Variants in BLTP3A observed in about 807,000 individuals in gnomAD.
The protein encoded by BLTP3A is ICBP90 binding protein 1.
the BLTP3A span, among the ~76,000 whole-genome samples, chr6:34,830,836 T>C: frequency 2.0e-5 from 3 of 152,212 alleles, no homozygotes; most frequent in African/African-American, 7.2e-5. Context: ...ATAAAAGTTC[T>C]AGTTGTTCCA....
At chr6:34,792,658 A>G in the BLTP3A span, among the ~76,000 whole-genome samples, 3 of 151,712 alleles carry the variant, frequency 2.0e-5, no homozygotes, top group African/African-American at 7.3e-5. Flanking sequence ...CGTCTTTCCG[A>G]GGCCCCCACG....
At chr6:34,816,295 T>G in the BLTP3A span, among the ~76,000 whole-genome samples, 1 of 152,182 alleles carries the variant, frequency 6.6e-6, no homozygotes, top group Non-Finnish European at 1.5e-5. Context: ...TTTGAAAACG[T>G]CTATCTCACT....
At chr6:34,832,229 T>G in the BLTP3A span, among the ~76,000 whole-genome samples, 2 of 151,220 alleles carry the variant, frequency 1.3e-5, no homozygotes, top group East Asian at 3.9e-4. Context: ...CAGGTGATCC[T>G]CCCGCCTCAG....
chr6:34,855,053 G>T, the BLTP3A span, among the ~76,000 whole-genome samples: 1 of 152,150 alleles, frequency 6.6e-6, no homozygotes, highest in South Asian at 2.1e-4. Context: ...AAAAATTTCA[G>T]TTTACCTATA....
At chr6:34,863,322 TTTTAAC>T in the BLTP3A span, among the ~76,000 whole-genome samples, 1 of 152,206 alleles carries the variant, frequency 6.6e-6, no homozygotes, top group Non-Finnish European at 1.5e-5. Context: ...GTTAATGCCT[TTTTAAC>T]TTTATCTTCC....
chr6:34,857,304 C>A, the BLTP3A span: 3 of 1,613,238 alleles, frequency 1.9e-6, no homozygotes, highest in Non-Finnish European at 2.5e-6. Flanking sequence ...ATTGTTGATA[C>A]TAACAAAAAG....
chr6:34,845,370 C>T, the BLTP3A span, among the ~76,000 whole-genome samples: 1 of 152,104 alleles, frequency 6.6e-6, no homozygotes, highest in African/African-American at 2.4e-5. Flanking sequence ...TTTTGTGGTT[C>T]CATGTACATT....
At chr6:34,876,730 C>CTTTAA in the BLTP3A span, 1 of 152,176 alleles carries the variant, frequency 6.6e-6, no homozygotes, top group African/African-American at 2.4e-5. Flanking sequence ...ACACTAAGGC[C>CTTTAA]TTTACCTAGT....
At chr6:34,843,933 A>G in the BLTP3A span, among the ~76,000 whole-genome samples, 4 of 152,050 alleles carry the variant, frequency 2.6e-5, no homozygotes, top group African/African-American at 9.7e-5. Context: ...GATAAAAGCC[A>G]TTTTTACTGG....
At chr6:34,831,242 C>A in the BLTP3A span, among the ~76,000 whole-genome samples, 1 of 152,012 alleles carries the variant, frequency 6.6e-6, no homozygotes, top group Non-Finnish European at 1.5e-5. Flanking sequence ...ATTCTTCTGC[C>A]TCAGCCTCCT....
the BLTP3A span, among the ~76,000 whole-genome samples, chr6:34,811,064 G>A: frequency 2.6e-5 from 4 of 152,008 alleles, no homozygotes; most frequent in South Asian, 2.1e-4. Context: ...CACTTTTATC[G>A]AATTTATCAA....
the BLTP3A span, among the ~76,000 whole-genome samples, chr6:34,828,251 G>A: frequency 6.6e-6 from 1 of 151,922 alleles, no homozygotes; most frequent in South Asian, 2.1e-4. Context: ...AGGAGTTCAA[G>A]ACCAGTCTGA....
chr6:34,859,368 A>G, the BLTP3A span: 1 of 1,614,144 alleles, frequency 6.2e-7, no homozygotes, highest in Non-Finnish European at 8.5e-7. Context: ...CTGTGAATGG[A>G]CAGGGTGAGC....
the BLTP3A span, among the ~76,000 whole-genome samples, chr6:34,828,622 C>T: frequency 6.6e-6 from 1 of 151,964 alleles, no homozygotes; most frequent in Non-Finnish European, 1.5e-5. Flanking sequence ...TGGATTATTT[C>T]CAGATTTTTT....
the BLTP3A span, chr6:34,859,486 G>C: frequency 1.2e-6 from 2 of 1,614,212 alleles, no homozygotes; most frequent in Non-Finnish European, 8.5e-7. Flanking sequence ...CAAGGAAGCT[G>C]TGTCCCTGAC....
the BLTP3A span, chr6:34,792,126 T>TGGCGGCGGC: frequency 0.067 from 47,331 of 709,286 alleles, 2,427 homozygotes; most frequent in East Asian, 0.26. Context: ...GAAAGCGCCA[T>TGGCGGCGGC]GGCGGCGGCG....
At chr6:34,835,564 T>C in the BLTP3A span, 1 of 1,362,468 alleles carries the variant, frequency 7.3e-7, no homozygotes, top group Non-Finnish European at 9.9e-7. Flanking sequence ...TTTGGGAAAT[T>C]TGTCATTTAC....
At chr6:34,867,473 T>C in the BLTP3A span, 1 of 1,614,120 alleles carries the variant, frequency 6.2e-7, no homozygotes, top group Non-Finnish European at 8.5e-7. Flanking sequence ...TAGGTCTCAG[T>C]TCTGGTCCTG....
At chr6:34,852,051 G>A in the BLTP3A span, among the ~76,000 whole-genome samples, 2 of 151,676 alleles carry the variant, frequency 1.3e-5, no homozygotes, top group South Asian at 4.2e-4. Flanking sequence ...GGCAGGTCCA[G>A]AGATGTCGTC....
Sources: allele counts gnomAD v4.1 joint callset (sites outside exome capture counted in the v4.1 genomes callset), GRCh38; gene constraint gnomAD v4.1.1; transcripts MANE v1.5; gene names NCBI Gene and HGNC (gene_info 2026-07-23, HGNC 2026-07-21).